LINGO2: variants seen among roughly 807,000 people sequenced by gnomAD.
LINGO2 encodes the protein leucine-rich repeat and immunoglobulin-like domain-containing nogo receptor-interacting protein 2.
A neutral mutation model predicts 30.6 loss-of-function variants in LINGO2; 14 were observed. The observed-to-expected ratio is 0.46, with a 90% CI of 0.30 to 0.72. The LOEUF (loss-of-function observed/expected upper bound fraction) is 0.72, where lower values mean the gene tolerates loss of function less well. LINGO2 is among the 30% of genes least tolerant of loss of function. LINGO2 has a pLI of 0.07. For synonymous variants in LINGO2, 317 were observed against 288.5 expected (o/e 1.10, Z -1.00); for missense variants, 729 against 751.7 (o/e 0.97, Z 0.35).
chr9:28,086,951 AAG>A (rs1167888751), intron 4 of LINGO2, among the ~76,000 whole-genome samples: 1 of 152,132 alleles, frequency 6.6e-6, no homozygotes, highest in African/African-American at 2.4e-5. Flanking sequence ...TTTTCATGAC[AAG>A]AGTCTATTTT....
intron 3 of LINGO2, among the ~76,000 whole-genome samples, chr9:28,361,521 T>C (rs1374396767): frequency 6.6e-6 from 1 of 152,126 alleles, no homozygotes; most frequent in Non-Finnish European, 1.5e-5. Flanking sequence ...CATTTTATTA[T>C]ATTGTATTTT....
chr9:28,825,706 C>T, the LINGO2 span, among the ~76,000 whole-genome samples: 70 of 152,034 alleles, frequency 4.6e-4, no homozygotes, highest in African/African-American at 1.6e-3. Flanking sequence ...TACACTTTCC[C>T]CTATCTACTT....
At chr9:28,358,838 G>A (rs1355751233) in intron 3 of LINGO2, among the ~76,000 whole-genome samples, 2 of 152,078 alleles carry the variant, frequency 1.3e-5, no homozygotes, top group African/African-American at 4.8e-5. Flanking sequence ...AACTGCTGGA[G>A]GCTAGAAAAT....
At chr9:28,313,728 A>C (rs373733387) in intron 3 of LINGO2, among the ~76,000 whole-genome samples, 6 of 152,282 alleles carry the variant, frequency 3.9e-5, no homozygotes, top group African/African-American at 1.4e-4. Flanking sequence ...TGAAGTAATA[A>C]ATTCTTTCCC....
intron 4 of LINGO2, among the ~76,000 whole-genome samples, chr9:28,107,710 T>A (rs1020276029): frequency 6.6e-6 from 1 of 152,136 alleles, no homozygotes; most frequent in Non-Finnish European, 1.5e-5. Context: ...GGGCCAGTGG[T>A]AATTCACCAA....
chr9:28,570,279 G>A (rs1004616995), intron 1 of LINGO2, among the ~76,000 whole-genome samples: 3 of 151,684 alleles, frequency 2.0e-5, no homozygotes, highest in African/African-American at 4.8e-5. Context: ...ACCACGTCAC[G>A]GCTATTATGA....
the LINGO2 span, among the ~76,000 whole-genome samples, chr9:29,183,868 T>G: frequency 6.6e-6 from 1 of 151,350 alleles, no homozygotes; most frequent in Non-Finnish European, 1.5e-5. Context: ...GCTCCCTCAG[T>G]CTTCCGTTCA....
chr9:28,430,150 G>A (rs1462954431), intron 2 of LINGO2, among the ~76,000 whole-genome samples: 1 of 151,272 alleles, frequency 6.6e-6, no homozygotes, highest in Non-Finnish European at 1.5e-5. Flanking sequence ...ATTTTGACGA[G>A]ATTCTTAGTT....
At chr9:28,759,729 G>C in the LINGO2 span, among the ~76,000 whole-genome samples, 3 of 151,738 alleles carry the variant, frequency 2.0e-5, no homozygotes, top group African/African-American at 7.3e-5. Flanking sequence ...TTACAGTACA[G>C]CCAGGCAAAT....
intron 2 of LINGO2, among the ~76,000 whole-genome samples, chr9:28,399,064 C>T (rs1246011789): frequency 1.3e-5 from 2 of 152,162 alleles, no homozygotes; most frequent in African/African-American, 4.8e-5. Context: ...CATCTTCTCA[C>T]CTCCTCCATC....
intron 4 of LINGO2, among the ~76,000 whole-genome samples, chr9:28,107,059 T>G (rs946267214): frequency 6.6e-6 from 1 of 152,148 alleles, no homozygotes; most frequent in Admixed American, 6.6e-5. Flanking sequence ...TTCCTTGGCT[T>G]CTTTGTTTTT....
intron 1 of LINGO2, among the ~76,000 whole-genome samples, chr9:28,497,238 A>G (rs980276087): frequency 2.0e-5 from 3 of 152,292 alleles, no homozygotes; most frequent in African/African-American, 7.2e-5. Context: ...CTCCTGGATA[A>G]TATCCTGCAG....
chr9:28,804,790 C>T, the LINGO2 span, among the ~76,000 whole-genome samples: 1 of 152,046 alleles, frequency 6.6e-6, no homozygotes, highest in Non-Finnish European at 1.5e-5. Context: ...GAACCTCTTC[C>T]AACCAATCAG....
chr9:27,943,221 T>A (rs900695500), downstream of LINGO2: 3 of 152,236 alleles, frequency 2.0e-5, no homozygotes. Context: ...ACCAAATTTC[T>A]GCTTTTTTTT....
intron 1 of LINGO2, among the ~76,000 whole-genome samples, chr9:28,487,438 T>A (rs1172084675): frequency 6.6e-6 from 1 of 152,134 alleles, no homozygotes; most frequent in African/African-American, 2.4e-5. Context: ...AGAGTTTGGG[T>A]CATATGCATA....
the LINGO2 span, among the ~76,000 whole-genome samples, chr9:29,180,686 C>T: frequency 6.6e-6 from 1 of 152,164 alleles, no homozygotes; most frequent in African/African-American, 2.4e-5. Context: ...GGAATCACTT[C>T]TTAATTATAA....
At chr9:28,715,361 A>G in the LINGO2 span, among the ~76,000 whole-genome samples, 1 of 152,200 alleles carries the variant, frequency 6.6e-6, no homozygotes, top group African/African-American at 2.4e-5. Flanking sequence ...CCTTCCTGAA[A>G]AATGTAAATG....
intron 1 of LINGO2, among the ~76,000 whole-genome samples, chr9:28,579,161 G>A (rs1824139147): frequency 6.6e-6 from 1 of 151,820 alleles, no homozygotes; most frequent in Non-Finnish European, 1.5e-5. Flanking sequence ...CAAAGGCTGA[G>A]AATCCATTAA....
At chr9:28,848,389 G>GTTTATATA in the LINGO2 span, among the ~76,000 whole-genome samples, 1 of 52,274 alleles carries the variant, frequency 1.9e-5, no homozygotes, top group Non-Finnish European at 4.0e-5. Flanking sequence ...GTGTGTGTGT[G>GTTTATATA]TGTGTGTGTA....
Sources: gnomAD v4.1 joint callset for allele counts (sites outside exome capture counted in the v4.1 genomes callset) on GRCh38, gnomAD v4.1.1 for gene constraint, MANE v1.5 for transcripts, NCBI Gene and HGNC (gene_info 2026-07-23, HGNC 2026-07-21) for gene names.